The following MAPK10 variants were observed in gnomAD, a reference collection of about 807,000 sequenced individuals.
MAPK10 encodes JNK3 alpha protein kinase.
Under a neutral mutation model 59.3 loss-of-function variants are expected in MAPK10, and 25 were observed. The ratio of observed to expected loss-of-function variants is 0.42; its 90% CI spans 0.31 to 0.59. The LOEUF is 0.59. Among genes scored for constraint, MAPK10 ranks in the 20% least tolerant of loss-of-function variants. MAPK10 has a pLI of 0.15. For synonymous variants in MAPK10, 190 were observed against 200.5 expected, an observed-to-expected ratio of 0.95 and a Z score of 0.44; for missense variants, 351 against 568.9, an observed-to-expected ratio of 0.62 and a Z score of 3.90.
intron 4 of MAPK10, among the ~76,000 whole-genome samples, chr4:86,115,400 C>T (rs4693136): frequency 6.6e-6 from 1 of 151,992 alleles, no homozygotes; most frequent in South Asian, 2.1e-4. Flanking sequence ...AACCTGGATA[C>T]GTCAGTTGAT....
chr4:86,027,828 G>T (rs1269222367), intron 13 of MAPK10: 10 of 152,130 alleles, frequency 6.6e-5, no homozygotes, highest in Non-Finnish European at 1.5e-5. Context: ...TAACATACAG[G>T]GACTAGTAGG....
At chr4:86,442,038 C>T (rs1749484649) in intron 1 of MAPK10, among the ~76,000 whole-genome samples, 1 of 152,136 alleles carries the variant, frequency 6.6e-6, no homozygotes, top group Admixed American at 6.5e-5. Context: ...ACTAAATTAG[C>T]CTCTGACTCC....
At chr4:86,555,493 T>C (rs183423283) in intron 1 of MAPK10, among the ~76,000 whole-genome samples, 123 of 152,286 alleles carry the variant, frequency 8.1e-4, no homozygotes, top group Non-Finnish European at 1.4e-3. Context: ...TTGGGGTGCC[T>C]AGCAGAATGT....
chr4:86,435,507 A>G (rs1473562397), intron 1 of MAPK10, among the ~76,000 whole-genome samples: 2 of 152,170 alleles, frequency 1.3e-5, no homozygotes, highest in Non-Finnish European at 2.9e-5. Context: ...CACAAAAAAA[A>G]AGGCAAAGAT....
At chr4:86,462,719 A>G (rs1751855445) in intron 1 of MAPK10, among the ~76,000 whole-genome samples, 1 of 152,120 alleles carries the variant, frequency 6.6e-6, no homozygotes, top group Non-Finnish European at 1.5e-5. Context: ...TGTACCTATA[A>G]ATTTATGGGG....
chr4:86,246,515 G>T (rs2093100752), intron 2 of MAPK10, among the ~76,000 whole-genome samples: 1 of 152,186 alleles, frequency 6.6e-6, no homozygotes, highest in Non-Finnish European at 1.5e-5. Flanking sequence ...TGCTTAAATT[G>T]AATGTATTCC....
At chr4:86,262,276 C>A (rs187713422) in intron 2 of MAPK10, among the ~76,000 whole-genome samples, 1 of 152,250 alleles carries the variant, frequency 6.6e-6, no homozygotes, top group East Asian at 1.9e-4. Context: ...TGCCTTCAGC[C>A]ACAGGATGAC....
chr4:86,538,531 G>A (rs777435041), intron 1 of MAPK10, among the ~76,000 whole-genome samples: 1 of 152,134 alleles, frequency 6.6e-6, no homozygotes, highest in Admixed American at 6.6e-5. Context: ...GTGTATTTTG[G>A]ATGCTTTTAG....
intron 9 of MAPK10, chr4:86,091,319 T>C (rs1304221202): frequency 2.2e-4 from 33 of 151,692 alleles, no homozygotes; most frequent in Admixed American, 2.2e-3. Flanking sequence ...ATCTCACCAC[T>C]CACTAGGCAA....
chr4:86,108,291 G>A (rs1212021474), intron 4 of MAPK10, among the ~76,000 whole-genome samples: 1 of 152,026 alleles, frequency 6.6e-6, no homozygotes, highest in Admixed American at 6.6e-5. Flanking sequence ...GAGAAAGTGA[G>A]AGAGGCTCTT....
At chr4:86,404,043 C>A (rs966830848) in intron 1 of MAPK10, among the ~76,000 whole-genome samples, 5 of 152,122 alleles carry the variant, frequency 3.3e-5, no homozygotes, top group African/African-American at 1.2e-4. Context: ...AAGTAATAAT[C>A]ATATTGTCAT....
chr4:86,284,482 C>T (rs1053804457), intron 2 of MAPK10, among the ~76,000 whole-genome samples: 24 of 152,138 alleles, frequency 1.6e-4, no homozygotes, highest in African/African-American at 4.3e-4. Context: ...CTATCAGCTT[C>T]GATGTCATCA....
rs1736579400 is a variant in MAPK10 at position 86,360,030 on chromosome 4, G to A, written c.-494C>T. 1.0e-6 allele frequency: 1 copy of A among 985,746 alleles called. No homozygotes were observed. The highest frequency in any genetic ancestry group is 1.2e-6 in the Non-Finnish European group (1 of 829,960). The allele number at this position is 985,746 out of a possible 1,614,324, so 61.1% of individuals were successfully genotyped here. A position where few individuals can be genotyped will look rare whatever the true frequency, so the allele number is the denominator to read the frequency against. ...TTCACTGCCTGGAAACCATTGTGCA[G>A]CGTGATGCTGCCTGTACCATTGTGG... On this transcript the variant is annotated 5_prime_UTR_variant, in exon 1 of 14. Transcript: ENST00000641462.
In MAPK10 at chr4:86,563,664, T is replaced by C. The variant is rs182343641; in HGVS notation, c.-263+30246A>G. Among the ~76,000 whole-genome samples the C allele has an allele frequency of 2.8e-3, 429 of 152,240 alleles. 2 individuals are homozygous for C. The highest frequency in any genetic ancestry group is 4.1e-3 in the Non-Finnish European group (282 of 68,016). ...ATAGTACTGAATCATATATATAGTA[T>C]GTTTTTTGTTTTCTTCTCTGATAAT... On this transcript the variant is annotated intron_variant, in intron 1 of 4. Coordinates refer to the MAPK10 transcript ENST00000502302.
intron 1 of MAPK10, among the ~76,000 whole-genome samples, chr4:86,375,404 G>GTTCAACTA (rs1739624228): frequency 6.6e-6 from 1 of 152,088 alleles, no homozygotes; most frequent in Non-Finnish European, 1.5e-5. Flanking sequence ...TAGAAGTGAA[G>GTTCAACTA]TTCAACTACC....
chr4:86,124,795 G>A (rs1008215018), intron 4 of MAPK10: 4 of 151,902 alleles, frequency 2.6e-5, no homozygotes, highest in Non-Finnish European at 2.9e-5. Flanking sequence ...GGCACCTGGT[G>A]TAATTTCTAA....
intron 1 of MAPK10, among the ~76,000 whole-genome samples, chr4:86,486,728 A>G (rs1295539674): frequency 1.3e-5 from 2 of 152,192 alleles, no homozygotes; most frequent in Non-Finnish European, 2.9e-5. Context: ...TTAGATGAGG[A>G]ACAGGATATG....
chr4:86,550,999 A>G (rs528346526), intron 1 of MAPK10, among the ~76,000 whole-genome samples: 1 of 152,374 alleles, frequency 6.6e-6, no homozygotes, highest in East Asian at 1.9e-4. Context: ...AAGCTAGTCT[A>G]ACTTCAAGGA....
chr4:86,330,197 G>GT (rs1353822595), intron 2 of MAPK10, among the ~76,000 whole-genome samples: 2 of 152,240 alleles, frequency 1.3e-5, no homozygotes, highest in African/African-American at 2.4e-5. Context: ...CTTGTTTTCA[G>GT]TTTTTTTGTG....
Sources: allele counts gnomAD v4.1 joint callset (sites outside exome capture counted in the v4.1 genomes callset), GRCh38; gene constraint gnomAD v4.1.1; transcripts MANE v1.5; gene names NCBI Gene and HGNC (gene_info 2026-07-23, HGNC 2026-07-21).